The following MLX variants were observed in gnomAD, a reference collection of about 807,000 sequenced individuals.
MLX encodes max-like protein X.
A neutral mutation model predicts 33.0 loss-of-function variants in MLX; 15 were observed. The ratio of observed to expected loss-of-function variants is 0.45; its 90% CI spans 0.30 to 0.70. The LOEUF is 0.70. Ranked by LOEUF, MLX falls within the 30% of genes least tolerant of loss-of-function variation. The pLI is 0.07. For missense variants in MLX, 285 were observed against 306.3 expected (o/e 0.93, Z 0.52); for synonymous variants, 115 against 115.6 (o/e 0.99, Z 0.03).
chr17:42,567,725 T>A, intron 2 of MLX, 70 bp downstream of exon 2: 1 of 1,602,424 alleles, frequency 6.2e-7, no homozygotes, highest in Non-Finnish European at 8.5e-7. Flanking sequence ...CTTGTGGCGT[T>A]GCCAACCACG....
At chr17:42,567,783 G>C in intron 2 of MLX, 128 bp downstream of exon 2, 2 of 1,273,656 alleles carry the variant, frequency 1.6e-6, no homozygotes, top group South Asian at 1.3e-5. Context: ...GCTTGAGACA[G>C]CAGGAGCTGA....
At chr17:42,567,994 A>G in intron 2 of MLX, 1 of 360,194 alleles carries the variant, frequency 2.8e-6, no homozygotes, top group Non-Finnish European at 5.1e-6. Flanking sequence ...AGAGCACTGC[A>G]GCGTGGTCTG....
Position 42,571,693 on chromosome 17 carries a change from C to T in MLX, c.*90C>T, listed in dbSNP as rs1288267582. 1.4e-5 allele frequency: 17 copies of T among 1,185,742 alleles called. No homozygotes were observed. The highest frequency in any genetic ancestry group is 4.7e-5 in the East Asian group (2 of 42,798). The allele number at this position is 1,185,742 out of a possible 1,614,324, so 73.5% of individuals were successfully genotyped here. ...CTGCTGGGCCCGGGAGACTGGACTA[C>T]AACACCTCACACTGGTCAGCTGGTT... On this transcript the variant is annotated 3_prime_UTR_variant, in exon 8 of 8. Transcript: ENST00000435881.
rs761158006 is a variant in MLX at position 42,573,183 on chromosome 17, C to T, written c.*1580C>T. The T allele has an allele frequency of 6.2e-7, 1 of 1,614,196 alleles. No homozygotes were observed. Among genetic ancestry groups the T allele is most frequent in the Non-Finnish European group, 8.5e-7 (1 of 1,180,044 alleles). On this transcript the variant is annotated 3_prime_UTR_variant, in exon 8 of 8. Coordinates refer to ENST00000435881, the MANE Select transcript of MLX (RefSeq NM_198204.2). ...CTCTGTAGCCTGACAAGAAATAAAA[C>T]CACCCGTTTTCAGATGGGCAGCACT...
Position 42,571,568 on chromosome 17 carries a change from G to C in MLX, c.700G>C (p.Gly234Arg), listed in dbSNP as rs767588014. Residue 234 changes from glycine to arginine, a missense_variant, in exon 8 of 8, where the codon GGC becomes CGC. Physicochemically the swap from Gly to Arg is moderately radical, Grantham distance 125 (BLOSUM62 -2). Coordinates refer to ENST00000435881, the MANE Select transcript of MLX (RefSeq NM_198204.2). ...KPQTLREIVI[G>R]VLHQLKNQLY ...CCAGACCCTGCGGGAGATTGTGATT[G>C]GCGTCCTGCACCAATTGAAAAACCA... 9.3e-6 allele frequency: 15 copies of C among 1,614,042 alleles called. No individual in the cohort carries two copies. The highest frequency in any genetic ancestry group is 1.3e-5 in the African/African-American group (1 of 74,928).
chr17:42,567,186 ACG>A lies in MLX; in HGVS notation c.42+22_42+23del. ...GTCAAGGCAAGCCCCGTGGGCGCGC[ACG>A]CCGGCGAGGGGAGGGCGGGTCGGGC... On this transcript the variant is annotated intron_variant, in intron 1 of 7. Coordinates refer to ENST00000435881, the MANE Select transcript of MLX (RefSeq NM_198204.2). The A allele has an allele frequency of 7.8e-7, 1 of 1,289,968 alleles. No individual in the cohort carries two copies. Among genetic ancestry groups the A allele is most frequent in the Non-Finnish European group, 9.8e-7 (1 of 1,017,010 alleles). 79.9% of individuals were successfully genotyped at this position (1,289,968 alleles called of 1,614,324 possible). A position where few individuals can be genotyped will look rare whatever the true frequency, so the allele number is the denominator to read the frequency against.
At position 42,572,835 on chromosome 17, in the gene MLX, C is replaced by T; in HGVS notation, c.*1232C>T. On this transcript the variant is annotated 3_prime_UTR_variant, in exon 8 of 8. Coordinates refer to ENST00000435881, the MANE Select transcript of MLX (RefSeq NM_198204.2). ...ACCCAGTGCTCTGGTTTATGCTTGT[C>T]TCCTGACTGCTCTGCTTAAAGGTGA... 1 of 1,091,392 alleles carries T rather than the reference C, an allele frequency of 9.2e-7. No homozygotes were observed. The highest frequency in any genetic ancestry group is 1.4e-6 in the Non-Finnish European group (1 of 725,146). The allele number at this position is 1,091,392 out of a possible 1,614,324, so 67.6% of individuals were successfully genotyped here. A position where few individuals can be genotyped will look rare whatever the true frequency, so the allele number is the denominator to read the frequency against.
In MLX at chr17:42,568,822, C is replaced by G; in HGVS notation, c.170-15C>G. 1.3e-6 allele frequency: 2 copies of G among 1,590,582 alleles called. No individual in the cohort carries two copies. Among genetic ancestry groups the G allele is most frequent in the South Asian group, 1.1e-5 (1 of 88,538 alleles). ...CCCCAAGATGACCTTTCCCTGCCCC[C>G]ATCTCTGAGCGTAGATGATGAGGAC... On this transcript the variant is annotated splice_polypyrimidine_tract_variant and intron_variant, in intron 3 of 7. Coordinates refer to ENST00000435881, the MANE Select transcript of MLX (RefSeq NM_198204.2).
chr17:42,569,051 A>G (rs1597718690), intron 4 of MLX, 108 bp downstream of exon 4: 1 of 1,287,360 alleles, frequency 7.8e-7, no homozygotes, highest in East Asian at 2.4e-5. Flanking sequence ...GGGGGTGGGC[A>G]GGTAGTATAG....
Position 42,572,952 on chromosome 17 carries a change from C to G in MLX, c.*1349C>G. The G allele has an allele frequency of 6.2e-7, 1 of 1,613,742 alleles. No homozygotes were observed. Among genetic ancestry groups the G allele is most frequent in the Non-Finnish European group, 8.5e-7 (1 of 1,179,798 alleles). On this transcript the variant is annotated 3_prime_UTR_variant, in exon 8 of 8. Coordinates refer to ENST00000435881, the MANE Select transcript of MLX (RefSeq NM_198204.2). ...CTGACATCCTGCAGTCCCCACCAGT[C>G]CTGACCGTGGGCCCCTCAGGGGTCT...
Position 42,568,101 on chromosome 17 carries a change from C to T in MLX, c.80-369C>T, listed in dbSNP as rs986501844. 9 of 215,302 alleles carry T rather than the reference C, an allele frequency of 4.2e-5. No homozygotes were observed. In the South Asian group the frequency reaches 5.4e-4, roughly 13 times the overall value. The allele number at this position is 215,302 out of a possible 1,614,324, so 13.3% of individuals were successfully genotyped here. A position where few individuals can be genotyped will look rare whatever the true frequency, so the allele number is the denominator to read the frequency against. ...GTGTGGCCGGGCGCGGTGGCTCACC[C>T]CTGTAATCCCAGCACTTTGGGAGGC... is the stretch of plus-strand genomic sequence containing the variant. On this transcript the variant is annotated intron_variant, in intron 2 of 7. Transcript: ENST00000435881.
At chr17:42,567,743 A>G in intron 2 of MLX, 88 bp downstream of exon 2, 1 of 1,557,436 alleles carries the variant, frequency 6.4e-7, no homozygotes, top group Non-Finnish European at 8.8e-7. Flanking sequence ...ACGCCTGAGC[A>G]CAGTCCACTC....
At chr17:42,571,424 G>GC in intron 7 of MLX, 123 bp from the exon 8 acceptor site, 2 of 1,039,456 alleles carry the variant, frequency 1.9e-6, no homozygotes, top group Middle Eastern at 2.1e-4. Flanking sequence ...ACCACACCTG[G>GC]CCCCCGGGGG....
intron 3 of MLX, 110 bp downstream of exon 3, chr17:42,568,669 A>G: frequency 2.6e-6 from 3 of 1,160,682 alleles, no homozygotes; most frequent in African/African-American, 1.5e-5. Context: ...CTGGAGCCAA[A>G]GTATCAGACA....
chr17:42,567,579 G>A (rs1344984951), intron 1 of MLX, 40 bp from the exon 2 acceptor site: 3 of 1,612,616 alleles, frequency 1.9e-6, no homozygotes, highest in East Asian at 2.2e-5. Flanking sequence ...CCCCCTAGGG[G>A]CGGAGGTCTG....
rs1222084777 is a variant in MLX at position 42,571,668 on chromosome 17, C to T, written c.*65C>T. ...CTTGAATCTCTACGTGGCCACTGAA[C>T]TGCTGGGCCCGGGAGACTGGACTAC... On this transcript the variant is annotated 3_prime_UTR_variant, in exon 8 of 8. Transcript: ENST00000435881. The T allele has an allele frequency of 1.3e-6, 2 of 1,489,468 alleles. No homozygotes were observed. Among genetic ancestry groups the T allele is most frequent in the Non-Finnish European group, 1.9e-6 (2 of 1,066,268 alleles). 92.3% of individuals were successfully genotyped at this position (1,489,468 alleles called of 1,614,324 possible). A position where few individuals can be genotyped will look rare whatever the true frequency, so the allele number is the denominator to read the frequency against.
chr17:42,567,615 G>C lies in MLX; in HGVS notation c.43-4G>C, dbSNP rs1467044646. 5 of 1,613,958 alleles carry C rather than the reference G, an allele frequency of 3.1e-6. No homozygotes were observed. The highest frequency in any genetic ancestry group is 4.2e-6 in the Non-Finnish European group (5 of 1,180,002). On this transcript the variant is annotated splice_polypyrimidine_tract_variant and splice_region_variant and intron_variant, in intron 1 of 7. Coordinates refer to ENST00000435881, the MANE Select transcript of MLX (RefSeq NM_198204.2). ...ACGGGCCCTTCCCGTGCTCTGTGCC[G>C]CAGGTGGAGTATGCCTACAGCGACA...
At chr17:42,571,105 A>G (rs560103899) in intron 7 of MLX, among the ~76,000 whole-genome samples, 1 of 151,250 alleles carries the variant, frequency 6.6e-6, no homozygotes, top group African/African-American at 2.4e-5. Flanking sequence ...GAGCACCTCA[A>G]ATTAAACTGC....
intron 1 of MLX, 43 bp from the exon 2 acceptor site, chr17:42,567,576 G>T (rs1284071350): frequency 6.2e-7 from 1 of 1,613,414 alleles, no homozygotes; most frequent in South Asian, 1.1e-5. Flanking sequence ...CCTCCCCCTA[G>T]GGGCGGAGGT....
Sources: gnomAD v4.1 joint callset for allele counts (sites outside exome capture counted in the v4.1 genomes callset) on GRCh38, gnomAD v4.1.1 for gene constraint, MANE v1.5 for transcripts, NCBI Gene and HGNC (gene_info 2026-07-23, HGNC 2026-07-21) for gene names.